The following PPL variants were observed in gnomAD, a reference collection of about 807,000 sequenced individuals.
The protein encoded by PPL is 190 kDa paraneoplastic pemphigus antigen.
In PPL, 198 loss-of-function variants were observed where a neutral mutation model predicts 194.4. The ratio of observed to expected loss-of-function variants is 1.02; its 90% CI spans 0.91 to 1.15. The LOEUF (loss-of-function observed/expected upper bound fraction) is 1.15, where lower values mean the gene tolerates loss of function less well. Among genes scored for constraint, PPL ranks in the 50% most tolerant of loss-of-function variants. PPL has a pLI of 0.00. For missense variants in PPL, 2,885 were observed against 2,294.8 expected (o/e 1.26, Z -5.25); for synonymous variants, 1,220 against 972.4 (o/e 1.25, Z -4.74).
chr16:4,902,321 C>T lies in PPL; in HGVS notation c.438+85G>A. On this transcript the variant is annotated intron_variant, in intron 4 of 21. Transcript: ENST00000345988. The surrounding 1 kb of genome is among the most constrained non-coding windows in gnomAD (Gnocchi z 4.0). ...TCTCCCTGGTAAGACCCGGGATGCC[C>T]ATTACATGGGTAGGCTCTCCCTGCA... The T allele has an allele frequency of 6.4e-7, 1 of 1,567,972 alleles. No homozygotes were observed. The highest frequency in any genetic ancestry group is 8.7e-7 in the Non-Finnish European group (1 of 1,155,848).
At chr16:4,919,052 C>T (rs904349438) in intron 1 of PPL, among the ~76,000 whole-genome samples, 1 of 152,216 alleles carries the variant, frequency 6.6e-6, no homozygotes, top group African/African-American at 2.4e-5. Flanking sequence ...GCCAGGAACA[C>T]AAAGATATCC....
intron 1 of PPL, among the ~76,000 whole-genome samples, chr16:4,925,135 G>A (rs1469784215): frequency 1.3e-5 from 2 of 152,122 alleles, no homozygotes; most frequent in African/African-American, 4.8e-5. Context: ...CGCACAGGAG[G>A]GTACACCCCT....
Position 4,883,911 on chromosome 16 carries a change from G to T in PPL, c.4744C>A (p.Leu1582Ile). The T allele has an allele frequency of 6.2e-7, 1 of 1,614,024 alleles. No individual in the cohort carries two copies. Residue 1582 changes from leucine to isoleucine, a missense_variant, in exon 22 of 22, where the codon CTC (leucine) becomes ATC (isoleucine). By Grantham distance (5) the Leu-to-Ile change is conservative (BLOSUM62 2). Coordinates refer to ENST00000345988, the MANE Select transcript of PPL (RefSeq NM_002705.5). This position sits in a 1 kb window ranked among gnomAD's most constrained non-coding sequence, Gnocchi z 4.8. ...RQNLQLETRRLQSEINMAATE... is the reference protein window; with the variant it reads ...RQNLQLETRRIQSEINMAATE... ...GCTGCCATGTTGATTTCCGATTGGAGCCTTCGGGTCTCCAGCTGCAGGTTT... is the reference window on the plus strand; with the variant it reads ...GCTGCCATGTTGATTTCCGATTGGATCCTTCGGGTCTCCAGCTGCAGGTTT...
chr16:4,921,033 C>T (rs993357709), intron 1 of PPL, among the ~76,000 whole-genome samples: 3 of 152,180 alleles, frequency 2.0e-5, no homozygotes, highest in Non-Finnish European at 4.4e-5. Context: ...CAGGGGCTGC[C>T]TGCTAGATGG....
rs772616162 is a variant in PPL, at chr16:4,888,107, C to G, written c.2509G>C (p.Glu837Gln). The change falls in exon 20 of 22, where the codon GAA becomes CAA. Residue 837 changes from glutamate (E) to glutamine (Q), a missense_variant. Physicochemically the swap from Glu to Gln is conservative, Grantham distance 29. Transcript: ENST00000345988. ...RLQSPATKVKEEEAALAAKFT... is the reference protein window; with the variant it reads ...RLQSPATKVKQEEAALAAKFT... ...GCCTGGCCCATGGAACTCACCTCTT[C>G]CTTCACTTTGGTGGCAGGAGATTGG... The G allele has an allele frequency of 6.2e-7, 1 of 1,612,276 alleles. No homozygotes were observed.
chr16:4,895,538 G>T, intron 10 of PPL, 56 bp downstream of exon 10: 3 of 1,611,618 alleles, frequency 1.9e-6, no homozygotes, highest in Non-Finnish European at 1.7e-6. Flanking sequence ...GGGCAGGCAT[G>T]GTGTAGAGGG....
intron 1 of PPL, among the ~76,000 whole-genome samples, chr16:4,916,463 T>C (rs1210018640): frequency 2.6e-5 from 4 of 151,712 alleles, no homozygotes; most frequent in Non-Finnish European, 4.4e-5. Context: ...GCACTTGCCT[T>C]GGCCTCCCAA....
At chr16:4,892,905 T>C in intron 14 of PPL, 1 of 314,066 alleles carries the variant, frequency 3.2e-6, no homozygotes. Context: ...AACGCTAACG[T>C]GTTTGCAGTC....
In PPL at chr16:4,902,620, G is replaced by T; in HGVS notation, c.318-94C>A. 7 of 1,425,566 alleles carry T rather than the reference G, an allele frequency of 4.9e-6. No homozygotes were observed. Among genetic ancestry groups the T allele is most frequent in the South Asian group, 1.3e-5 (1 of 74,716 alleles). The allele number at this position is 1,425,566 out of a possible 1,614,324, so 88.3% of individuals were successfully genotyped here. A position where few individuals can be genotyped will look rare whatever the true frequency, so the allele number is the denominator to read the frequency against. Reference sequence around the variant, plus strand: ...ACCCAGACCCCGGCCTCAGTGTCCTGGAAGGACACAGTGACCATATGGCCT... The same window carrying T: ...ACCCAGACCCCGGCCTCAGTGTCCTTGAAGGACACAGTGACCATATGGCCT... On this transcript the variant is annotated intron_variant, in intron 3 of 21. Transcript: ENST00000345988. The surrounding 1 kb of genome is among the most constrained non-coding windows in gnomAD (Gnocchi z 4.0).
Position 4,894,553 on chromosome 16 carries a change from C to T in PPL, c.1308G>A (p.Met436Ile), listed in dbSNP as rs2088383016. 1.2e-6 allele frequency: 2 copies of T among 1,613,782 alleles called. No homozygotes were observed. The highest frequency in any genetic ancestry group is 2.2e-5 in the East Asian group (1 of 44,888). ...CAATCAGCTTGTTCCCAGCGCTGTC[C>T]ATGAGCTCCCAGCTCTCCCCGTTGT... ...QKNNGESWEL[M>I]DSAGNKLIAP... is the part of the protein sequence containing the mutation. Residue 436 changes from methionine (M) to isoleucine (I), a missense_variant, in exon 12 of 22, where the codon ATG becomes ATA. By Grantham distance (10) the Met-to-Ile change is conservative. Transcript: ENST00000345988.
At chr16:4,891,037 T>A in intron 16 of PPL, 116 bp from the exon 17 acceptor site, 3 of 865,990 alleles carry the variant, frequency 3.5e-6, no homozygotes, top group Non-Finnish European at 5.2e-6. Context: ...AGGCCACAGG[T>A]AGGAAGGACC....
intron 16 of PPL, 110 bp downstream of exon 16, chr16:4,891,701 C>T: frequency 1.4e-6 from 2 of 1,404,730 alleles, no homozygotes; most frequent in Non-Finnish European, 1.9e-6. Context: ...CATTCCAAAC[C>T]TGGGGAGACT....
In PPL at chr16:4,885,414, C is replaced by A. The variant is rs753852893; in HGVS notation, c.3241G>T (p.Asp1081Tyr). 44 of 1,612,830 alleles carry A rather than the reference C, an allele frequency of 2.7e-5. No homozygotes were observed. The highest frequency in any genetic ancestry group is 1.3e-5 in the Non-Finnish European group (15 of 1,180,000). Residue 1081 changes from aspartate to tyrosine, a missense_variant, in exon 22 of 22, where the codon GAC becomes TAC. Physicochemically the swap from Asp to Tyr is radical, Grantham distance 160 (BLOSUM62 -3). Transcript: ENST00000345988. This position sits in a 1 kb window ranked among gnomAD's most constrained non-coding sequence, Gnocchi z 6.3. ...TCCTCCTGCTTCTCCCTGAGCTGGT[C>A]CTGGCGCTGGTGGTCCTCCTGCAGC... Reference protein sequence around the residue: ...QQLQEDHQRQDQLREKQEEEL... With the variant: ...QQLQEDHQRQYQLREKQEEEL...
intron 14 of PPL, 157 bp downstream of exon 14, chr16:4,893,049 GCCACCTC>G: frequency 1.1e-6 from 1 of 881,648 alleles, no homozygotes; most frequent in Non-Finnish European, 1.6e-6. Flanking sequence ...CAGCAGCCCT[GCCACCTC>G]CATGACTTGG....
rs2088333568 is a variant in PPL at position 4,892,168 on chromosome 16, T to G, written c.1696A>C (p.Ser566Arg). 1.2e-5 allele frequency: 19 copies of G among 1,613,794 alleles called. No individual in the cohort carries two copies. Among genetic ancestry groups the G allele is most frequent in the Non-Finnish European group, 1.3e-5 (15 of 1,179,974 alleles). ...LLRIEPEKTR[S>R]TAEGEAFIQA... ...ATGAAGGCTTCGCCCTCAGCCGTGC[T>G]CCGCGTCTTCTCAGGTTCAATCCGC... Residue 566 changes from serine to arginine, a missense_variant, in exon 15 of 22, where the codon AGC becomes CGC. By Grantham distance (110) the Ser-to-Arg change is moderately radical. Coordinates refer to ENST00000345988, the MANE Select transcript of PPL (RefSeq NM_002705.5).
At chr16:4,898,148 C>T (rs996370789) in intron 8 of PPL, among the ~76,000 whole-genome samples, 23 of 152,258 alleles carry the variant, frequency 1.5e-4, no homozygotes, top group East Asian at 5.8e-4. Flanking sequence ...GAGGCCGAGG[C>T]GGGTGGATCA....
chr16:4,890,576 C>CA lies in PPL; in HGVS notation c.2162+151dup, dbSNP rs1287394201. The CA allele has an allele frequency of 1.3e-4, 145 of 1,094,870 alleles. No homozygotes were observed. The East Asian group carries it at 3.5e-3, about 27-fold the overall frequency. 67.8% of individuals were successfully genotyped at this position (1,094,870 alleles called of 1,614,324 possible). ...TTACAGGACCCAGGTAAGCATGACT[C>CA]AAAAGAGAGACCACAGGGCCGTCAG... On this transcript the variant is annotated intron_variant, in intron 17 of 21. Transcript: ENST00000345988.
chr16:4,911,544 C>G (rs1777972423), intron 1 of PPL, among the ~76,000 whole-genome samples: 1 of 149,944 alleles, frequency 6.7e-6, no homozygotes, highest in South Asian at 2.1e-4. Context: ...TTCATTCATT[C>G]ATTTTATTGA....
chr16:4,898,957 C>T, intron 8 of PPL, 56 bp downstream of exon 8: 2 of 1,466,824 alleles, frequency 1.4e-6, no homozygotes, highest in South Asian at 1.1e-5. Context: ...GGCCCACAGG[C>T]AGCGGCCAAC....
Sources: gnomAD v4.1 joint callset for allele counts (sites outside exome capture counted in the v4.1 genomes callset) on GRCh38, gnomAD v4.1.1 for gene constraint, Gnocchi (gnomAD v3.1) non-coding constraint, MANE v1.5 for transcripts, NCBI Gene and HGNC (gene_info 2026-07-23, HGNC 2026-07-21) for gene names.